Variants in SLC22A5 observed in about 807,000 individuals in gnomAD.
The protein encoded by SLC22A5 is solute carrier family 22 member 5.
A neutral mutation model predicts 56.7 loss-of-function variants in SLC22A5; 44 were observed. The observed-to-expected ratio is 0.78, with a 90% confidence interval of 0.61 to 1.00. The LOEUF is 1.00. Among genes scored for constraint, SLC22A5 ranks in the 50% least tolerant of loss-of-function variants. The pLI, the probability that SLC22A5 is intolerant of heterozygous loss-of-function variation, is 0.00. For missense variants in SLC22A5, 675 were observed against 723.0 expected (o/e 0.93, Z 0.76); for synonymous variants, 278 against 292.1 (o/e 0.95, Z 0.49).
chr5:132,391,838 G>T (rs1752709744), intron 7 of SLC22A5, among the ~76,000 whole-genome samples: 2 of 152,200 alleles, frequency 1.3e-5, no homozygotes. Context: ...GGCCCATCAG[G>T]CTGAGAACAC....
At chr5:132,382,077 A>C (rs1211283052) in intron 2 of SLC22A5, 1 of 152,194 alleles carries the variant, frequency 6.6e-6, no homozygotes, top group African/African-American at 2.4e-5. Context: ...ATTTTGTTCT[A>C]GGGCATTTTC....
intron 1 of SLC22A5, among the ~76,000 whole-genome samples, chr5:132,374,170 G>C (rs1476944663): frequency 1.3e-5 from 2 of 151,636 alleles, no homozygotes; most frequent in Non-Finnish European, 2.9e-5. Flanking sequence ...CAGTAGCCAA[G>C]ATCGCACCAT....
chr5:132,381,520 T>C (rs1561568891), intron 2 of SLC22A5: 1 of 152,208 alleles, frequency 6.6e-6, no homozygotes, highest in East Asian at 1.9e-4. Flanking sequence ...CTAAGCTAAG[T>C]AGATTACCTG....
intron 1 of SLC22A5, among the ~76,000 whole-genome samples, chr5:132,373,254 A>T (rs1481034148): frequency 6.6e-6 from 1 of 152,040 alleles, no homozygotes; most frequent in Non-Finnish European, 1.5e-5. Flanking sequence ...AGGAAATGTG[A>T]CTCCCCCTGC....
Position 132,390,805 on chromosome 5 carries a change from G to A in SLC22A5, c.1168G>A (p.Ala390Thr). The change falls in exon 7 of 10, where the codon GCC (alanine) becomes ACC (threonine). Residue 390 changes from alanine (A) to threonine (T), a missense_variant. Transcript: ENST00000245407. ...GGTTGAAGTCCCAGCATATGTGTTGGCCTGGCTGCTGCTGCAATATTTGCC... is the reference window on the plus strand; with the variant it reads ...GGTTGAAGTCCCAGCATATGTGTTGACCTGGCTGCTGCTGCAATATTTGCC... ...AMVEVPAYVL[A>T]WLLLQYLPRR... The A allele has an allele frequency of 6.2e-7, 1 of 1,614,180 alleles. No individual in the cohort carries two copies. Among genetic ancestry groups the A allele is most frequent in the African/African-American group, 1.3e-5 (1 of 75,034 alleles).
At chr5:132,376,377 G>A (rs1310261297) in intron 1 of SLC22A5, 1 of 152,320 alleles carries the variant, frequency 6.6e-6, no homozygotes, top group African/African-American at 2.4e-5. Flanking sequence ...CTAAGGACAG[G>A]CTGGACCAAG....
chr5:132,370,107 C>T lies in SLC22A5; in HGVS notation c.135C>T (p.Thr45=), dbSNP rs202000855. 21 of 1,611,982 alleles carry T rather than the reference C, an allele frequency of 1.3e-5. No homozygotes were observed. The highest frequency in any genetic ancestry group is 1.6e-5 in the Non-Finnish European group (19 of 1,179,396). Residue 45 remains threonine (T), a synonymous_variant, in exon 1 of 10, where the codon ACC becomes ACT. Coordinates refer to ENST00000245407, the MANE Select transcript of SLC22A5 (RefSeq NM_003060.4). The part of the protein sequence containing the change: ...TGLSSVFLIA[T]PEHRCRVPDA... ...TGTCCTCCGTGTTCCTGATAGCGAC[C>T]CCGGAGCACCGCTGCCGGGTGCCGG...
rs766555353 is a variant in SLC22A5, at chr5:132,392,525, T to C, written c.1360T>C (p.Tyr454His). Residue 454 changes from tyrosine (Y) to histidine (H), a missense_variant, in exon 8 of 10, where the codon TAT becomes CAT. Tyr to His is a moderately conservative substitution (Grantham distance 83). Coordinates refer to ENST00000245407, the MANE Select transcript of SLC22A5 (RefSeq NM_003060.4). ...SMVYVYTAEL[Y>H]PTVVRNMGVG... ...GGTCTACGTGTACACAGCCGAGCTG[T>C]ATCCCACAGTGGTGAGAAACATGGG... 104 of 1,614,058 alleles carry C rather than the reference T, an allele frequency of 6.4e-5. No homozygotes were observed. The highest frequency in any genetic ancestry group is 8.0e-5 in the Non-Finnish European group (94 of 1,180,010).
At chr5:132,387,308 C>T (rs373522199) in intron 5 of SLC22A5, among the ~76,000 whole-genome samples, 157 bp downstream of exon 5, 4 of 151,492 alleles carry the variant, frequency 2.6e-5, no homozygotes, top group East Asian at 1.9e-4. Context: ...TCCCCACCCC[C>T]ACACGGGCCC....
rs1319889867 is a variant in SLC22A5, at chr5:132,370,027, C to A, written c.55C>A (p.Arg19Ser). 2.5e-6 allele frequency: 4 copies of A among 1,613,410 alleles called. No homozygotes were observed. Among genetic ancestry groups the A allele is most frequent in the South Asian group, 1.1e-5 (1 of 91,074 alleles). Residue 19 changes from arginine (R) to serine (S), a missense_variant, in exon 1 of 10, where the codon CGC (arginine) becomes AGC (serine). Arg to Ser is a moderately radical substitution (Grantham distance 110). Coordinates refer to ENST00000245407, the MANE Select transcript of SLC22A5 (RefSeq NM_003060.4). ...AFLGEWGPFQ[R>S]LIFFLLSASI... ...CCTGGGCGAGTGGGGGCCCTTCCAG[C>A]GCCTCATCTTCTTCCTGCTCAGCGC...
At chr5:132,386,793 G>A (rs554986415) in intron 4 of SLC22A5, among the ~76,000 whole-genome samples, 12 of 152,316 alleles carry the variant, frequency 7.9e-5, no homozygotes, top group South Asian at 2.1e-4. Flanking sequence ...TGGGGATGCC[G>A]TCAGGGGGTG....
chr5:132,395,414 C>G lies in SLC22A5; in HGVS notation c.*1142C>G, dbSNP rs62385689. The G allele has an allele frequency of 6.5e-6, 1 of 152,734 alleles. No individual in the cohort carries two copies. Among genetic ancestry groups the G allele is most frequent in the Admixed American group, 6.5e-5 (1 of 15,276 alleles). 9.5% of individuals were successfully genotyped at this position (152,734 alleles called of 1,614,324 possible). ...TTGTGTTCATAGTCTTTCAGAGTAGCTCACTTTAGTCCTGTAACTTTATTG... is the reference window on the plus strand; with the variant it reads ...TTGTGTTCATAGTCTTTCAGAGTAGGTCACTTTAGTCCTGTAACTTTATTG... On this transcript the variant is annotated 3_prime_UTR_variant, in exon 10 of 10. Transcript: ENST00000245407.
At position 132,394,537 on chromosome 5, in the gene SLC22A5, A is replaced by G. The variant is rs554549824; in HGVS notation, c.*265A>G. 7.1e-5 allele frequency: 37 copies of G among 520,328 alleles called. No individual in the cohort carries two copies. In the South Asian group the frequency reaches 8.2e-4, roughly 12 times the overall value. The allele number at this position is 520,328 out of a possible 1,614,324, so 32.2% of individuals were successfully genotyped here. ...TACAATGATGGACTCAGCACCTCCAAAGCAGTTAATTTTTCACTAGAACCA... is the reference window on the plus strand; with the variant it reads ...TACAATGATGGACTCAGCACCTCCAGAGCAGTTAATTTTTCACTAGAACCA... On this transcript the variant is annotated 3_prime_UTR_variant, in exon 10 of 10. Transcript: ENST00000245407.
Position 132,392,434 on chromosome 5 carries a change from C to G in SLC22A5, c.1269C>G (p.Asp423Glu). The G allele has an allele frequency of 1.2e-6, 2 of 1,614,068 alleles. No homozygotes were observed. Among genetic ancestry groups the G allele is most frequent in the South Asian group, 2.2e-5 (2 of 91,080 alleles). ...VLLFMQLVPPDLYYLATVLVM... is the reference protein window; with the variant it reads ...VLLFMQLVPPELYYLATVLVM... ...ACCCTCTTTCCTTTGCTTCTCCAGA[C>G]TTGTATTATTTGGCTACAGTCCTGG... Residue 423 changes from aspartate to glutamate, a missense_variant and splice_region_variant, in exon 8 of 10, where the codon GAC becomes GAG. Transcript: ENST00000245407.
chr5:132,391,604 G>A lies in SLC22A5; in HGVS notation c.1267+700G>A, dbSNP rs73787200. Among the ~76,000 whole-genome samples the A allele has an allele frequency of 1.1e-3, 165 of 152,308 alleles. 1 individual carries two copies. Among genetic ancestry groups the A allele is most frequent in the Middle Eastern group, 3.4e-3 (1 of 294 alleles). ...AGCAGGGGATGAGCCTGGCATGTTT[G>A]AGGAGGAGGGAGAAGGGGAGGGGCC... is the stretch of plus-strand genomic sequence containing the variant. On this transcript the variant is annotated intron_variant, in intron 7 of 9. Transcript: ENST00000245407.
In SLC22A5 at chr5:132,369,890, G is replaced by A; in HGVS notation, c.-83G>A. 3.2e-6 allele frequency: 5 copies of A among 1,546,850 alleles called. No individual in the cohort carries two copies. Among genetic ancestry groups the A allele is most frequent in the Non-Finnish European group, 4.3e-6 (5 of 1,149,502 alleles). On this transcript the variant is annotated 5_prime_UTR_variant, in exon 1 of 10. Transcript: ENST00000245407. ...CGCCTGCTGCCTGGCTTGCCTGGTC[G>A]GCGGCGGGTGCCCCGCGCGCACGCG...
intron 1 of SLC22A5, among the ~76,000 whole-genome samples, chr5:132,371,766 C>T (rs750306300): frequency 6.6e-5 from 10 of 152,038 alleles, no homozygotes; most frequent in African/African-American, 9.7e-5. Context: ...CCCAGCAGGA[C>T]GGCGGAGTTC....
At chr5:132,392,281 G>C (rs988342286) in intron 7 of SLC22A5, 152 bp from the exon 8 acceptor site, 1 of 735,768 alleles carries the variant, frequency 1.4e-6, no homozygotes, top group African/African-American at 1.7e-5. Context: ...AATTTGGAGG[G>C]AAATCTTGGC....
intron 7 of SLC22A5, among the ~76,000 whole-genome samples, chr5:132,392,058 A>G (rs1471120415): frequency 1.3e-5 from 2 of 152,206 alleles, no homozygotes; most frequent in African/African-American, 4.8e-5. Flanking sequence ...TTAGAACTGA[A>G]TTCTCCATTC....
Sources: allele counts gnomAD v4.1 joint callset (sites outside exome capture counted in the v4.1 genomes callset), GRCh38; gene constraint gnomAD v4.1.1; transcripts MANE v1.5; gene names NCBI Gene and HGNC (gene_info 2026-07-23, HGNC 2026-07-21).